SHCBP1L: variants seen among roughly 807,000 people sequenced by gnomAD.
SHCBP1L encodes SHC binding and spindle associated 1 like, also known as testicular spindle-associated protein SHCBP1L.
In SHCBP1L, 67 loss-of-function variants were observed where a neutral mutation model predicts 62.5. That is an observed-to-expected ratio of 1.07 (90% CI 0.88 to 1.31). SHCBP1L has a LOEUF of 1.31. SHCBP1L is among the 40% of genes most tolerant of loss of function. The probability of loss-of-function intolerance (pLI) is 0.00; values close to 1 mark genes in which losing one functional copy is unlikely to be tolerated. For synonymous variants in SHCBP1L, 284 were observed against 289.4 expected (o/e 0.98, Z 0.19); for missense variants, 823 against 809.8 (o/e 1.02, Z -0.20).
intron 6 of SHCBP1L, among the ~76,000 whole-genome samples, chr1:182,919,843 G>T (rs1452657450): frequency 6.6e-6 from 1 of 152,130 alleles, no homozygotes. Context: ...TGGAGGCCAT[G>T]ACTTGCTTGT....
chr1:182,939,204 G>C lies in SHCBP1L; in HGVS notation c.1048C>G (p.Leu350Val). The C allele has an allele frequency of 6.2e-7, 1 of 1,611,688 alleles. No homozygotes were observed. The highest frequency in any genetic ancestry group is 8.5e-7 in the Non-Finnish European group (1 of 1,179,398). ...YYEIVMLCGL[L>V]KMWEDLRLRV... ...AGGCGTAAATCTTCCCACATTTTCA[G>C]TAATCCACAGAGCATGACTATCTCA... The change falls in exon 5 of 10, where the codon CTG becomes GTG. Residue 350 changes from leucine (L) to valine (V), a missense_variant. Transcript: ENST00000367547.
At chr1:182,938,105 GC>G (rs1651238918) in intron 5 of SHCBP1L, among the ~76,000 whole-genome samples, 1 of 152,088 alleles carries the variant, frequency 6.6e-6, no homozygotes, top group African/African-American at 2.4e-5. Context: ...TTGTCTTTGT[GC>G]TTCTTATTTT....
At chr1:182,952,570 G>T in intron 1 of SHCBP1L, 159 bp downstream of exon 1, 1 of 848,642 alleles carries the variant, frequency 1.2e-6, no homozygotes, top group South Asian at 2.1e-5. Flanking sequence ...CTCTAACAAG[G>T]TGAACGCTCT....
intron 5 of SHCBP1L, among the ~76,000 whole-genome samples, chr1:182,936,835 G>T (rs1651192679): frequency 6.6e-6 from 1 of 151,954 alleles, no homozygotes; most frequent in Admixed American, 6.6e-5. Context: ...GATCACTTGA[G>T]CCCAGGAGTT....
intron 5 of SHCBP1L, among the ~76,000 whole-genome samples, chr1:182,934,615 T>C (rs1651108967): frequency 6.6e-6 from 1 of 152,194 alleles, no homozygotes; most frequent in Non-Finnish European, 1.5e-5. Flanking sequence ...AAATATTTTC[T>C]CCTAATCTGT....
chr1:182,901,849 T>C (rs1378981792), intron 9 of SHCBP1L, among the ~76,000 whole-genome samples: 2 of 152,066 alleles, frequency 1.3e-5, no homozygotes, highest in East Asian at 1.9e-4. Flanking sequence ...AGGAAATTAC[T>C]AAAACAAATT....
intron 5 of SHCBP1L, among the ~76,000 whole-genome samples, chr1:182,930,072 T>G (rs991027888): frequency 1.3e-5 from 2 of 152,224 alleles, no homozygotes; most frequent in Non-Finnish European, 2.9e-5. Context: ...TGTACTTTCA[T>G]AATCCATTGA....
At chr1:182,925,039 G>A (rs1398916613) in intron 6 of SHCBP1L, among the ~76,000 whole-genome samples, 1 of 146,786 alleles carries the variant, frequency 6.8e-6, no homozygotes, top group East Asian at 2.0e-4. Context: ...AGGAAGGGAA[G>A]GAAGGGAAGA....
Position 182,930,725 on chromosome 1 carries a change from G to GT in SHCBP1L, c.1077-974dup, listed in dbSNP as rs1433984410. Among the ~76,000 whole-genome samples, 257 of 27,890 alleles carry GT rather than the reference G, an allele frequency of 9.2e-3. 7 individuals are homozygous for GT. Among genetic ancestry groups the GT allele is most frequent in the Non-Finnish European group, 0.01 (163 of 15,902 alleles). The allele number at this position is 27,890 out of a possible 152,430, so 18.3% of individuals were successfully genotyped here. ...TGTGTATATATATATATATATATAT[G>GT]TATTTTTTTTTTTTTTTTTTTTTTT... On this transcript the variant is annotated intron_variant, in intron 5 of 9. Coordinates refer to ENST00000367547, the MANE Select transcript of SHCBP1L (RefSeq NM_030933.4).
At chr1:182,927,106 A>G (rs1650786737) in intron 6 of SHCBP1L, among the ~76,000 whole-genome samples, 1 of 71,612 alleles carries the variant, frequency 1.4e-5, no homozygotes, top group African/African-American at 5.7e-5. Context: ...ATATATATAT[A>G]TATATATACT....
intron 2 of SHCBP1L, among the ~76,000 whole-genome samples, chr1:182,949,897 G>T (rs528248657): frequency 6.7e-6 from 1 of 149,766 alleles, no homozygotes; most frequent in Admixed American, 6.7e-5. Context: ...TGCCTCCCAG[G>T]CTCAAGCGAT....
chr1:182,930,394 T>A (rs1650929620), intron 5 of SHCBP1L, among the ~76,000 whole-genome samples: 1 of 151,394 alleles, frequency 6.6e-6, no homozygotes, highest in Non-Finnish European at 1.5e-5. Flanking sequence ...AAAGTTTCAG[T>A]ATAACTGTTG....
chr1:182,946,373 G>C (rs899774640), intron 2 of SHCBP1L, among the ~76,000 whole-genome samples: 10 of 150,974 alleles, frequency 6.6e-5, no homozygotes, highest in Admixed American at 6.6e-4. Flanking sequence ...GATCCACCCA[G>C]GCTCTTTCTG....
intron 6 of SHCBP1L, among the ~76,000 whole-genome samples, chr1:182,913,361 G>A (rs965213102): frequency 1.3e-5 from 2 of 152,152 alleles, no homozygotes; most frequent in African/African-American, 2.4e-5. Flanking sequence ...ACTATCTACT[G>A]TATGCTGAAA....
At chr1:182,907,376 T>C (rs543178100) in intron 6 of SHCBP1L, among the ~76,000 whole-genome samples, 1 of 144,266 alleles carries the variant, frequency 6.9e-6, no homozygotes, top group East Asian at 2.1e-4. Context: ...GAGTTTGCAG[T>C]AAGCGGAGAT....
At chr1:182,945,419 G>A (rs555972332) in intron 2 of SHCBP1L, among the ~76,000 whole-genome samples, 4 of 152,196 alleles carry the variant, frequency 2.6e-5, no homozygotes, top group Non-Finnish European at 4.4e-5. Context: ...TCTCTGACCA[G>A]TTCTATTCTG....
chr1:182,944,640 A>G (rs1462978359), intron 2 of SHCBP1L: 4 of 152,160 alleles, frequency 2.6e-5, no homozygotes, highest in Non-Finnish European at 4.4e-5. Context: ...TCTTTAAATA[A>G]TATGCTTATA....
chr1:182,927,772 C>A (rs60540995), intron 6 of SHCBP1L, among the ~76,000 whole-genome samples: 2 of 151,006 alleles, frequency 1.3e-5, no homozygotes, highest in African/African-American at 2.4e-5. Context: ...TCTAAGTAAA[C>A]TGGAAGCTGA....
intron 2 of SHCBP1L, chr1:182,944,414 C>G (rs1392216770): frequency 6.6e-6 from 1 of 151,734 alleles, no homozygotes; most frequent in East Asian, 1.9e-4. Flanking sequence ...CCCATCCAAG[C>G]ACTAACCAGG....
Sources: allele counts gnomAD v4.1 joint callset (sites outside exome capture counted in the v4.1 genomes callset), GRCh38; gene constraint gnomAD v4.1.1; transcripts MANE v1.5; gene names NCBI Gene and HGNC (gene_info 2026-07-23, HGNC 2026-07-21).